The following CNPY1 variants were observed in gnomAD, a reference collection of about 807,000 sequenced individuals.
The protein encoded by CNPY1 is canopy FGF signaling regulator 1, also known as protein canopy homolog 1.
CNPY1 carries 14 observed loss-of-function variants against 14.4 expected under a neutral mutation model. The observed-to-expected ratio is 0.97, with a 90% CI of 0.64 to 1.52. CNPY1 has a LOEUF of 1.52. CNPY1 is among the 40% of genes most tolerant of loss of function. The pLI, the probability that CNPY1 is intolerant of heterozygous loss-of-function variation, is 0.00. For synonymous variants in CNPY1, 43 were observed against 46.5 expected, an observed-to-expected ratio of 0.92 and a Z score of 0.31; for missense variants, 129 against 131.5, an observed-to-expected ratio of 0.98 and a Z score of 0.09.
At chr7:155,531,873 A>G (rs988541234) in intron 2 of CNPY1, among the ~76,000 whole-genome samples, 1 of 152,170 alleles carries the variant, frequency 6.6e-6, no homozygotes, top group African/African-American at 2.4e-5. Context: ...AGAGCCACCT[A>G]AGCCCTGAGC....
chr7:155,515,914 C>G (rs745899816), intron 2 of CNPY1, among the ~76,000 whole-genome samples: 24 of 152,118 alleles, frequency 1.6e-4, no homozygotes, highest in Non-Finnish European at 2.5e-4. Flanking sequence ...ATCTAAGGCT[C>G]ATCCCTCCCC....
At chr7:155,546,030 A>T (rs994447745) in intron 1 of CNPY1, 87 bp from the exon 2 acceptor site, 5 of 398,234 alleles carry the variant, frequency 1.3e-5, no homozygotes, top group Non-Finnish European at 2.2e-5. Context: ...GCCACCCTCT[A>T]GCTAGAACAG....
intron 2 of CNPY1, among the ~76,000 whole-genome samples, chr7:155,520,943 A>G (rs1411174200): frequency 6.6e-6 from 1 of 152,084 alleles, no homozygotes; most frequent in Non-Finnish European, 1.5e-5. Flanking sequence ...CCTGGCCAAG[A>G]TGGCAAAATC....
At chr7:155,514,210 G>A (rs1796575045) in intron 2 of CNPY1, among the ~76,000 whole-genome samples, 1 of 152,234 alleles carries the variant, frequency 6.6e-6, no homozygotes, top group Admixed American at 6.5e-5. Context: ...TCCATCTAAT[G>A]TCAGACAAAT....
At chr7:155,508,593 T>C (rs968802262) in intron 3 of CNPY1, among the ~76,000 whole-genome samples, 2 of 152,240 alleles carry the variant, frequency 1.3e-5, no homozygotes, top group Non-Finnish European at 2.9e-5. Flanking sequence ...CAAAACGTTC[T>C]GCAAAACTGT....
At chr7:155,543,981 G>A (rs972702449) in intron 2 of CNPY1, among the ~76,000 whole-genome samples, 4 of 152,228 alleles carry the variant, frequency 2.6e-5, no homozygotes, top group African/African-American at 9.7e-5. Flanking sequence ...TCGCCTTGAA[G>A]TGGAACATCC....
intron 3 of CNPY1, among the ~76,000 whole-genome samples, chr7:155,508,243 A>G (rs7779639): frequency 0.19 from 28,432 of 152,266 alleles, 5,926 homozygotes; most frequent in African/African-American, 0.52. Flanking sequence ...GCCAGAGACT[A>G]GCATTCACAA....
chr7:155,528,993 G>A (rs948416616), intron 2 of CNPY1, among the ~76,000 whole-genome samples: 40 of 152,082 alleles, frequency 2.6e-4, no homozygotes, highest in African/African-American at 9.2e-4. Flanking sequence ...CCCAGAAGGC[G>A]GAGCTTGCAG....
intron 2 of CNPY1, among the ~76,000 whole-genome samples, chr7:155,513,876 C>T (rs190478572): frequency 5.9e-5 from 9 of 152,310 alleles, no homozygotes; most frequent in East Asian, 3.9e-4. Flanking sequence ...TATTTTAAAA[C>T]GTATTCTGCC....
intron 2 of CNPY1, among the ~76,000 whole-genome samples, chr7:155,520,411 T>C (rs1248956897): frequency 1.4e-5 from 2 of 145,788 alleles, no homozygotes; most frequent in Admixed American, 7.2e-5. Context: ...TTTTTCTTTT[T>C]CTTTCTTTCT....
chr7:155,508,830 CA>C (rs1796418549), intron 3 of CNPY1, 63 bp downstream of exon 3: 4 of 1,555,932 alleles, frequency 2.6e-6, no homozygotes, highest in Non-Finnish European at 2.6e-6. Flanking sequence ...TAGAAAACAA[CA>C]AAAAAGAGTT....
chr7:155,505,723 TG>T (rs1166310838), intron 4 of CNPY1, among the ~76,000 whole-genome samples: 1 of 152,256 alleles, frequency 6.6e-6, no homozygotes, highest in East Asian at 1.9e-4. Context: ...ATCACATTTT[TG>T]CTTCTATCTG....
chr7:155,511,036 A>G (rs1796520177), intron 2 of CNPY1, among the ~76,000 whole-genome samples: 1 of 152,236 alleles, frequency 6.6e-6, no homozygotes. Flanking sequence ...ATGTCAACAG[A>G]GTAGCATTTT....
intron 2 of CNPY1, among the ~76,000 whole-genome samples, chr7:155,517,871 A>T (rs1796652293): frequency 6.6e-6 from 1 of 152,240 alleles, no homozygotes; most frequent in Non-Finnish European, 1.5e-5. Context: ...ATTTGATGCG[A>T]TACAGAAAGG....
intron 2 of CNPY1, among the ~76,000 whole-genome samples, chr7:155,525,171 A>G (rs1796797173): frequency 6.6e-6 from 1 of 151,654 alleles, no homozygotes; most frequent in African/African-American, 2.4e-5. Flanking sequence ...ATAGCATTTC[A>G]TCTTTCTTTC....
chr7:155,543,636 A>G (rs1321755526), intron 2 of CNPY1, among the ~76,000 whole-genome samples: 1 of 152,212 alleles, frequency 6.6e-6, no homozygotes, highest in Non-Finnish European at 1.5e-5. Context: ...GTTAGCCAGA[A>G]GCAGGAACTG....
chr7:155,523,427 A>G (rs538288115), intron 2 of CNPY1, among the ~76,000 whole-genome samples: 12 of 152,240 alleles, frequency 7.9e-5, no homozygotes, highest in African/African-American at 2.9e-4. Context: ...TAACATCTTC[A>G]TTATTATCTG....
chr7:155,503,219 T>A, intron 4 of CNPY1, 114 bp from the exon 5 acceptor site: 3 of 885,764 alleles, frequency 3.4e-6, no homozygotes, highest in Non-Finnish European at 5.1e-6. Flanking sequence ...TAAAAACTTT[T>A]ATTATGGAAA....
At chr7:155,523,629 G>C (rs868133412) in intron 2 of CNPY1, among the ~76,000 whole-genome samples, 1 of 152,158 alleles carries the variant, frequency 6.6e-6, no homozygotes, top group Non-Finnish European at 1.5e-5. Context: ...CCCACAGAAG[G>C]TGGGCGGGGA....
Sources: allele counts gnomAD v4.1 joint callset (sites outside exome capture counted in the v4.1 genomes callset), GRCh38; gene constraint gnomAD v4.1.1; transcripts MANE v1.5; gene names NCBI Gene and HGNC (gene_info 2026-07-23, HGNC 2026-07-21).